Variants in PDHX observed in about 807,000 individuals in gnomAD.
PDHX encodes the protein pyruvate dehydrogenase complex component X, also known as pyruvate dehydrogenase protein X component, mitochondrial.
PDHX carries 33 observed loss-of-function variants against 55.3 expected under a neutral mutation model. That is an observed-to-expected ratio of 0.60 (90% confidence interval 0.45 to 0.80). The LOEUF is 0.80. PDHX is among the 30% of genes least tolerant of loss of function. PDHX has a pLI of 0.00. For missense variants in PDHX, 622 were observed against 619.9 expected (o/e 1.00, Z -0.04); for synonymous variants, 226 against 219.4 (o/e 1.03, Z -0.27).
At chr11:34,918,853 T>C (rs1372604754) in intron 1 of PDHX, among the ~76,000 whole-genome samples, 1 of 152,212 alleles carries the variant, frequency 6.6e-6, no homozygotes. Flanking sequence ...CTTTGACTCA[T>C]GGGCTTCAAA....
At chr11:34,934,167 A>G (rs1220722422) in intron 2 of PDHX, among the ~76,000 whole-genome samples, 3 of 152,226 alleles carry the variant, frequency 2.0e-5, no homozygotes, top group Admixed American at 2.0e-4. Flanking sequence ...GTAAAATAGT[A>G]TAGCCAGTGA....
intron 1 of PDHX, 114 bp from the exon 2 acceptor site, chr11:34,931,290 T>G: frequency 1.4e-6 from 1 of 702,990 alleles, no homozygotes; most frequent in East Asian, 2.8e-5. Context: ...CTTTTAGACT[T>G]TGGAATACCT....
chr11:34,969,292 A>T (rs1224620219), intron 6 of PDHX, among the ~76,000 whole-genome samples: 1 of 151,698 alleles, frequency 6.6e-6, no homozygotes, highest in Admixed American at 6.6e-5. Flanking sequence ...GCAACTATAT[A>T]TTAATAGTTG....
chr11:34,974,066 T>A (rs1438273445), intron 7 of PDHX, among the ~76,000 whole-genome samples: 1 of 152,232 alleles, frequency 6.6e-6, no homozygotes, highest in Non-Finnish European at 1.5e-5. Context: ...CGTGTACAGT[T>A]AGTTCGTTGA....
At chr11:34,970,382 A>G (rs1281387852) in intron 7 of PDHX, 96 bp downstream of exon 7, 5 of 1,022,742 alleles carry the variant, frequency 4.9e-6, no homozygotes, top group Non-Finnish European at 7.4e-6. Flanking sequence ...TACATTGTGT[A>G]GCTTTTAATT....
At chr11:34,938,879 C>G (rs1405391705) in intron 2 of PDHX, among the ~76,000 whole-genome samples, 1 of 152,196 alleles carries the variant, frequency 6.6e-6, no homozygotes, top group Non-Finnish European at 1.5e-5. Context: ...GCATGTTTCC[C>G]TGAAGGTTGC....
At chr11:34,948,009 C>T (rs1590744305) in intron 3 of PDHX, among the ~76,000 whole-genome samples, 1 of 152,294 alleles carries the variant, frequency 6.6e-6, no homozygotes, top group Non-Finnish European at 1.5e-5. Context: ...ACTGTGGACT[C>T]TGGAATCACC....
intron 2 of PDHX, among the ~76,000 whole-genome samples, chr11:34,944,729 T>C (rs1854582031): frequency 6.6e-6 from 1 of 152,206 alleles, no homozygotes; most frequent in South Asian, 2.1e-4. Context: ...ATTTTTGGTG[T>C]GTGAGGAGGT....
chr11:34,973,852 T>C (rs1855306171), intron 7 of PDHX, among the ~76,000 whole-genome samples: 1 of 150,668 alleles, frequency 6.6e-6, no homozygotes, highest in Admixed American at 6.6e-5. Context: ...CTTTTTTTCA[T>C]TTCTTTGTAT....
chr11:34,994,999 T>G lies in PDHX; in HGVS notation c.1333T>G (p.Phe445Val), dbSNP rs147948716. ...GGCCTGCATTTTGGCGGTTGGGAGGTTCCGACCTGTGCTGAAGCTCACTGA... is the reference window on the plus strand; with the variant it reads ...GGCCTGCATTTTGGCGGTTGGGAGGGTCCGACCTGTGCTGAAGCTCACTGA... ...PQACILAVGR[F>V]RPVLKLTEDE... is the part of the protein sequence containing the mutation. Residue 445 changes from phenylalanine to valine, a missense_variant, in exon 11 of 11, where the codon TTC (phenylalanine) becomes GTC (valine). Transcript: ENST00000227868. 6.9e-4 allele frequency: 1,111 copies of G among 1,613,908 alleles called. 9 individuals carry two copies. In the South Asian group the frequency reaches 7.8e-3, roughly 11 times the overall value.
chr11:34,927,624 T>C (rs1399200142), intron 1 of PDHX, among the ~76,000 whole-genome samples: 2 of 152,116 alleles, frequency 1.3e-5, no homozygotes, highest in African/African-American at 4.8e-5. Flanking sequence ...CTGGAAAAGA[T>C]ACCATATAGT....
At chr11:34,930,702 G>T (rs537371310) in intron 1 of PDHX, among the ~76,000 whole-genome samples, 1 of 152,152 alleles carries the variant, frequency 6.6e-6, no homozygotes, top group African/African-American at 2.4e-5. Flanking sequence ...TTGCTTTTTC[G>T]ATACCTAAGG....
At chr11:34,989,893 A>T (rs937834422) in intron 9 of PDHX, among the ~76,000 whole-genome samples, 2 of 152,224 alleles carry the variant, frequency 1.3e-5, no homozygotes. Context: ...CTTGGGATAC[A>T]GTAGTTGCTT....
chr11:34,958,164 G>A (rs1163560689), intron 4 of PDHX, among the ~76,000 whole-genome samples: 2 of 152,032 alleles, frequency 1.3e-5, no homozygotes, highest in South Asian at 4.1e-4. Flanking sequence ...CATTTATTTA[G>A]TATTCTATAT....
chr11:34,988,783 G>A (rs1855702973), intron 9 of PDHX, among the ~76,000 whole-genome samples: 1 of 152,162 alleles, frequency 6.6e-6, no homozygotes, highest in Admixed American at 6.6e-5. Context: ...TTCACTTTGT[G>A]TGGTTTCAGT....
intron 1 of PDHX, among the ~76,000 whole-genome samples, chr11:34,929,477 C>T (rs558779818): frequency 6.6e-5 from 10 of 152,246 alleles, no homozygotes; most frequent in Admixed American, 2.0e-4. Flanking sequence ...CTGCCCACCT[C>T]GGCAAAAGTG....
chr11:34,953,179 A>G (rs983540451), intron 3 of PDHX, among the ~76,000 whole-genome samples: 1 of 152,214 alleles, frequency 6.6e-6, no homozygotes, highest in Non-Finnish European at 1.5e-5. Flanking sequence ...CCACTGCTCA[A>G]TGAAATAAAA....
intron 1 of PDHX, among the ~76,000 whole-genome samples, chr11:34,917,732 G>A (rs1853769423): frequency 6.6e-6 from 1 of 152,046 alleles, no homozygotes; most frequent in Admixed American, 6.5e-5. Flanking sequence ...TGAGTGTATT[G>A]GGGTTCCTAA....
rs57927359 is a variant in PDHX at position 34,980,352 on chromosome 11, C to CTTTTTTTTTTTTTTTTTTTTTTTTTT, written c.1023+2184_1023+2185insTTTTTTTTTTTTTTTTTTTTTTTTTT. 2.9e-4 allele frequency among the ~76,000 whole-genome samples: 22 copies of CTTTTTTTTTTTTTTTTTTTTTTTTTT among 74,856 alleles called. 8 individuals carry two copies. The highest frequency in any genetic ancestry group is 4.4e-4 in the Non-Finnish European group (17 of 38,674). The allele number at this position is 74,856 out of a possible 152,430, so 49.1% of individuals were successfully genotyped here. Reference sequence around the variant, plus strand: ...TTTTTAATAAGGTTTAAGATAGTTTCTTTTTTTTTTTTTTGAGCAGCAGCA... The same window carrying CTTTTTTTTTTTTTTTTTTTTTTTTTT: ...TTTTTAATAAGGTTTAAGATAGTTTCTTTTTTTTTTTTTTTTTTTTTTTTTTTTTTTTTTTTTTTTGAGCAGCAGCA... On this transcript the variant is annotated intron_variant, in intron 8 of 10. Transcript: ENST00000227868.
Sources: gnomAD v4.1 joint callset for allele counts (sites outside exome capture counted in the v4.1 genomes callset) on GRCh38, gnomAD v4.1.1 for gene constraint, MANE v1.5 for transcripts, NCBI Gene and HGNC (gene_info 2026-07-23, HGNC 2026-07-21) for gene names.